The following ASB12 variants were observed in gnomAD, a reference collection of about 807,000 sequenced individuals.
ASB12 encodes the protein ankyrin repeat and SOCS box containing 12, also known as ankyrin repeat and SOCS box protein 12.
In ASB12, 17 loss-of-function variants were observed where a neutral mutation model predicts 13.7. That is an observed-to-expected ratio of 1.24 (90% confidence interval 0.85 to 1.86). The LOEUF (loss-of-function observed/expected upper bound fraction) is 1.86. Among genes scored for constraint, ASB12 ranks in the 40% most tolerant of loss-of-function variants. The probability of loss-of-function intolerance (pLI) is 0.00; values close to 1 mark genes in which losing one functional copy is unlikely to be tolerated. For synonymous variants in ASB12, 107 were observed against 99.8 expected (o/e 1.07, Z -0.43); for missense variants, 329 against 250.5 (o/e 1.31, Z -2.11).
At chrX:64,224,593 C>A in intron 2 of ASB12, 125 bp from the exon 3 acceptor site, 1 of 904,098 alleles carries the variant, frequency 1.1e-6, no homozygotes. Context: ...AATAAACAGT[C>A]ATTGGCAGAG....
chrX:64,225,209 G>T lies in ASB12; in HGVS notation c.442C>A (p.Arg148Ser). ...NNCSPVLTAA[R>S]DGAVAILQEL... ...TGCAGGATAGCAACAGCACCATCAC[G>T]GGCAGCTGTGAGCACGGGAGAACAG... The change falls in exon 2 of 3, where the codon CGT (arginine) becomes AGT (serine). Residue 148 changes from arginine (R) to serine (S), a missense_variant. Arg to Ser is a moderately radical substitution (Grantham distance 110). Coordinates refer to ENST00000362002, the MANE Select transcript of ASB12 (RefSeq NM_130388.4). 11 of 1,211,506 alleles carry T rather than the reference G, an allele frequency of 9.1e-6. No homozygotes were observed. Among genetic ancestry groups the T allele is most frequent in the Non-Finnish European group, 1.0e-5 (9 of 895,468 alleles).
intron 1 of ASB12, among the ~76,000 whole-genome samples, chrX:64,227,506 A>C (rs1362619504): frequency 9.0e-6 from 1 of 110,848 alleles, no homozygotes; most frequent in Non-Finnish European, 1.9e-5. Flanking sequence ...ATCCCTACAG[A>C]CCACTCCTCC....
At chrX:64,228,234 G>A (rs1007843423) in intron 1 of ASB12, among the ~76,000 whole-genome samples, 2 of 112,116 alleles carry the variant, frequency 1.8e-5, no homozygotes, top group African/African-American at 6.5e-5. Context: ...CTGAGGTCCA[G>A]TGACAAGAGA....
chrX:64,224,830 C>A lies in ASB12; in HGVS notation c.821G>T (p.Arg274Leu), dbSNP rs142045870. The A allele has an allele frequency of 8.5e-7, 1 of 1,179,474 alleles. No individual in the cohort carries two copies. Residue 274 changes from arginine (R) to leucine (L), a missense_variant and splice_region_variant, in exon 2 of 3, where the codon CGA becomes CTA. Coordinates refer to ENST00000362002, the MANE Select transcript of ASB12 (RefSeq NM_130388.4). ...DKGIALLLQA[R>L]ATPRSLLSQV... is the part of the protein sequence containing the mutation. ...AGGCTGGCCTGTTCACCACTCACCTCGGGCCTGTAGCAGCAATGCAATGCC... is the reference window on the plus strand; with the variant it reads ...AGGCTGGCCTGTTCACCACTCACCTAGGGCCTGTAGCAGCAATGCAATGCC...
At position 64,224,242 on chromosome X, in the gene ASB12, C is replaced by T. The variant is rs1272596949; in HGVS notation, c.*93G>A. ...TGGAGGATAATACAGGAGAGCAGCT[C>T]CAGGTAAGTGGATGAGGCTGTAATG... On this transcript the variant is annotated 3_prime_UTR_variant, in exon 3 of 3. Coordinates refer to ENST00000362002, the MANE Select transcript of ASB12 (RefSeq NM_130388.4). 7.1e-6 allele frequency: 7 copies of T among 989,903 alleles called. No individual in the cohort carries two copies. In the East Asian group the frequency reaches 2.2e-4, roughly 31 times the overall value. The allele number at this position is 989,903 out of a possible 1,213,427, so 81.6% of individuals were successfully genotyped here.
In ASB12 at chrX:64,225,101, G is replaced by A; in HGVS notation, c.550C>T (p.Pro184Ser). 1 of 1,211,243 alleles carries A rather than the reference G, an allele frequency of 8.3e-7. No individual in the cohort carries two copies. Among genetic ancestry groups the A allele is most frequent in the Non-Finnish European group, 1.1e-6 (1 of 895,392 alleles). The change falls in exon 2 of 3, where the codon CCC (proline) becomes TCC (serine). Residue 184 changes from proline (P) to serine (S), a missense_variant. Pro to Ser is a moderately conservative substitution (Grantham distance 74). Transcript: ENST00000362002. ...CCGTAGACTGCGGCCAAATAGAGGGGGCCAGAACATGAAGCTATGTTTGAT... is the reference window on the plus strand; with the variant it reads ...CCGTAGACTGCGGCCAAATAGAGGGAGCCAGAACATGAAGCTATGTTTGAT... Reference protein sequence around the residue: ...WASNIASCSGPLYLAAVYGHL... With the variant: ...WASNIASCSGSLYLAAVYGHL...
chrX:64,230,459 T>A lies in ASB12; in HGVS notation c.-25+4A>T, dbSNP rs1265778219. The A allele has an allele frequency of 2.7e-5, 3 of 111,300 alleles. No individual in the cohort carries two copies. The highest frequency in any genetic ancestry group is 9.5e-5 in the Admixed American group (1 of 10,545). 9.2% of individuals were successfully genotyped at this position (111,300 alleles called of 1,213,427 possible). On this transcript the variant is annotated splice_donor_region_variant and intron_variant, in intron 1 of 2. Coordinates refer to ENST00000362002, the MANE Select transcript of ASB12 (RefSeq NM_130388.4). ...CAAACCGGTCCTAGGCTCCAGGTACTCACCGGGCTTCAGCCTGAGGCCATG... is the reference window on the plus strand; with the variant it reads ...CAAACCGGTCCTAGGCTCCAGGTACACACCGGGCTTCAGCCTGAGGCCATG...
chrX:64,229,020 C>T (rs754911371), intron 1 of ASB12, among the ~76,000 whole-genome samples: 1 of 111,397 alleles, frequency 9.0e-6, no homozygotes, highest in Non-Finnish European at 1.9e-5. Flanking sequence ...TTCTCTACTC[C>T]TCCTCCTGTT....
rs200811316 is a variant in ASB12 at position 64,225,208 on chromosome X, C to T, written c.443G>A (p.Arg148His). The T allele has an allele frequency of 4.5e-5, 54 of 1,209,929 alleles. No individual in the cohort carries two copies. The highest frequency in any genetic ancestry group is 1.4e-4 in the South Asian group (8 of 56,699). Residue 148 changes from arginine to histidine, a missense_variant, in exon 2 of 3, where the codon CGT becomes CAT. By Grantham distance (29) the Arg-to-His change is conservative. Coordinates refer to ENST00000362002, the MANE Select transcript of ASB12 (RefSeq NM_130388.4). Reference protein sequence around the residue: ...NNCSPVLTAARDGAVAILQEL... With the variant: ...NNCSPVLTAAHDGAVAILQEL... ...CTGCAGGATAGCAACAGCACCATCACGGGCAGCTGTGAGCACGGGAGAACA... is the reference window on the plus strand; with the variant it reads ...CTGCAGGATAGCAACAGCACCATCATGGGCAGCTGTGAGCACGGGAGAACA...
Position 64,225,030 on chromosome X carries a change from A to AG in ASB12, c.620dup (p.Asp208Ter). The AG allele has an allele frequency of 8.3e-7, 1 of 1,211,763 alleles. No individual in the cohort carries two copies. Among genetic ancestry groups the AG allele is most frequent in the Admixed American group, 2.2e-5 (1 of 46,057 alleles). ...GGCCCTGGTCAGTGCAGTTGTAGTCAGGGTCTGCCCCGTGGAGCAAAAGCA... is the reference window on the plus strand; with the variant it reads ...GGCCCTGGTCAGTGCAGTTGTAGTCAGGGGTCTGCCCCGTGGAGCAAAAGCA... On this transcript the variant is annotated frameshift_variant, in exon 2 of 3. Coordinates refer to ENST00000362002, the MANE Select transcript of ASB12 (RefSeq NM_130388.4). LOFTEE classifies it high-confidence loss of function.
At chrX:64,229,231 C>T (rs1931009551) in intron 1 of ASB12, among the ~76,000 whole-genome samples, 1 of 111,535 alleles carries the variant, frequency 9.0e-6, no homozygotes, top group South Asian at 3.8e-4. Context: ...CGACTGGGAT[C>T]TGGGCAGATA....
At position 64,225,581 on chromosome X, in the gene ASB12, G is replaced by A. The variant is rs773556690; in HGVS notation, c.70C>T (p.Pro24Ser). Reference protein sequence around the residue: ...DITKIFSLLQPDKEEEDTDTE... With the variant: ...DITKIFSLLQSDKEEEDTDTE... ...TCAGTGTCCTCCTCCTCCTTGTCGG[G>A]CTGCAGGAGGGAGAAGATCTTGGTG... The change falls in exon 2 of 3, where the codon CCC becomes TCC. Residue 24 changes from proline (P) to serine (S), a missense_variant. Coordinates refer to ENST00000362002, the MANE Select transcript of ASB12 (RefSeq NM_130388.4). The A allele has an allele frequency of 8.3e-7, 1 of 1,205,680 alleles. No individual in the cohort carries two copies. Among genetic ancestry groups the A allele is most frequent in the South Asian group, 1.8e-5 (1 of 55,681 alleles).
intron 1 of ASB12, among the ~76,000 whole-genome samples, chrX:64,227,456 T>C (rs1327769958): frequency 9.0e-6 from 1 of 111,539 alleles, no homozygotes; most frequent in African/African-American, 3.3e-5. Context: ...CCAGTGGATA[T>C]CTTGAAGATC....
At chrX:64,227,701 A>G (rs1379925728) in intron 1 of ASB12, among the ~76,000 whole-genome samples, 3 of 111,860 alleles carry the variant, frequency 2.7e-5, no homozygotes, top group East Asian at 5.6e-4. Flanking sequence ...CCAGGCATGT[A>G]TCCACTGAGT....
intron 1 of ASB12, among the ~76,000 whole-genome samples, chrX:64,226,519 C>T (rs962283246): frequency 8.9e-6 from 1 of 112,130 alleles, no homozygotes; most frequent in Non-Finnish European, 1.9e-5. Flanking sequence ...GATTCTCCCC[C>T]AGGACCAATT....
intron 1 of ASB12, among the ~76,000 whole-genome samples, chrX:64,227,046 A>G (rs1930962535): frequency 9.0e-6 from 1 of 111,433 alleles, no homozygotes; most frequent in South Asian, 3.8e-4. Context: ...TTGGAAATCC[A>G]GCAGACCCAG....
At chrX:64,227,337 A>G (rs779943828) in intron 1 of ASB12, among the ~76,000 whole-genome samples, 3 of 111,747 alleles carry the variant, frequency 2.7e-5, no homozygotes, top group East Asian at 5.6e-4. Flanking sequence ...GTTTTCTACT[A>G]TGTACTTCAC....
Position 64,224,341 on chromosome X carries a change from T to C in ASB12, c.951A>G (p.Gln317=). 1 of 1,210,624 alleles carries C rather than the reference T, an allele frequency of 8.3e-7. No individual in the cohort carries two copies. The highest frequency in any genetic ancestry group is 3.0e-5 in the East Asian group (1 of 33,774). ...TCCTGGGGAGACTGCAAGATTACAG[T>C]TGGTGTTTTAGGTAGCTAATCAACA... ...PPMLISYLKH[Q]L is the part of the protein sequence containing the mutation. Residue 317 remains glutamine, a synonymous_variant, in exon 3 of 3, where the codon CAA becomes CAG. Coordinates refer to ENST00000362002, the MANE Select transcript of ASB12 (RefSeq NM_130388.4).
At chrX:64,226,855 G>A (rs1930959697) in intron 1 of ASB12, 1 of 456,848 alleles carries the variant, frequency 2.2e-6, no homozygotes, top group Admixed American at 9.2e-5. Context: ...TTTATTCACT[G>A]TCTACCCCCA....
Sources: allele counts gnomAD v4.1 joint callset (sites outside exome capture counted in the v4.1 genomes callset), GRCh38; gene constraint gnomAD v4.1.1; transcripts MANE v1.5; gene names NCBI Gene and HGNC (gene_info 2026-07-23, HGNC 2026-07-21).